CLCA4: variants seen among roughly 807,000 people sequenced by gnomAD.
CLCA4 encodes chloride channel accessory 4.
Under a neutral mutation model 78.9 loss-of-function variants are expected in CLCA4, and 69 were observed. The observed-to-expected ratio is 0.87, with a 90% CI of 0.72 to 1.07. The LOEUF (loss-of-function observed/expected upper bound fraction) is 1.07. CLCA4 is among the 50% of genes least tolerant of loss of function. The pLI is 0.00. For synonymous variants in CLCA4, 362 were observed against 375.8 expected, an observed-to-expected ratio of 0.96 and a Z score of 0.42; for missense variants, 1,133 against 1,095.8, an observed-to-expected ratio of 1.03 and a Z score of -0.48.
chr1:86,572,824 TTTAA>T (rs1216896307), intron 9 of CLCA4, 104 bp downstream of exon 9: 1 of 732,260 alleles, frequency 1.4e-6, no homozygotes, highest in East Asian at 2.7e-5. Context: ...AAAGTAAATT[TTTAA>T]TTAAAATCTA....
chr1:86,573,058 C>A, intron 9 of CLCA4: 1 of 296,256 alleles, frequency 3.4e-6, no homozygotes, highest in Admixed American at 4.7e-5. Context: ...ATTTTAAAAG[C>A]TCATGCTTCC....
rs190325560 is a variant in CLCA4 at position 86,561,797 on chromosome 1, C to A, written c.448+1439C>A. Among the ~76,000 whole-genome samples the A allele has an allele frequency of 4.0e-4, 61 of 152,234 alleles. 1 individual carries two copies. Among genetic ancestry groups the A allele is most frequent in the Non-Finnish European group, 1.0e-4 (7 of 68,008 alleles). On this transcript the variant is annotated intron_variant, in intron 3 of 13. Coordinates refer to ENST00000370563, the MANE Select transcript of CLCA4 (RefSeq NM_012128.4). ...ATTTTTCCCGTATCCCACACCTCAA[C>A]CCTATTCTATTACTGATAGGTCACC...
intron 9 of CLCA4, 95 bp downstream of exon 9, chr1:86,572,815 A>C: frequency 1.3e-6 from 1 of 761,818 alleles, no homozygotes; most frequent in East Asian, 2.6e-5. Context: ...ATTTTTCTCA[A>C]AGTAAATTTT....
At chr1:86,567,366 T>A (rs1650228345) in intron 6 of CLCA4, 58 bp from the exon 7 acceptor site, 2 of 1,352,050 alleles carry the variant, frequency 1.5e-6, no homozygotes, top group Non-Finnish European at 2.0e-6. Context: ...TTTTATGTGA[T>A]CTTCTATTAT....
chr1:86,563,675 C>T lies in CLCA4; in HGVS notation c.463C>T (p.His155Tyr). Residue 155 changes from histidine (H) to tyrosine (Y), a missense_variant, in exon 4 of 14, where the codon CAT becomes TAT. His to Tyr is a moderately conservative substitution (Grantham distance 83, BLOSUM62 2). Coordinates refer to ENST00000370563, the MANE Select transcript of CLCA4 (RefSeq NM_012128.4). ...EYGPPGKLFVHEWAHLRWGVF... is the reference protein window; with the variant it reads ...EYGPPGKLFVYEWAHLRWGVF... ...CTTTCCCACAGGCAAACTGTTTGTC[C>T]ATGAGTGGGCTCACCTCCGGTGGGG... is the stretch of plus-strand genomic sequence containing the variant. 6.3e-7 allele frequency: 1 copy of T among 1,587,224 alleles called. No homozygotes were observed. The highest frequency in any genetic ancestry group is 8.6e-7 in the Non-Finnish European group (1 of 1,163,760).
intron 3 of CLCA4, among the ~76,000 whole-genome samples, chr1:86,561,202 C>A (rs905134027): frequency 6.6e-6 from 1 of 152,332 alleles, no homozygotes; most frequent in East Asian, 1.9e-4. Context: ...TACCTCTTCC[C>A]TGTAATTATC....
chr1:86,578,147 A>G (rs1650581515), intron 12 of CLCA4, 75 bp downstream of exon 12: 9 of 1,344,452 alleles, frequency 6.7e-6, no homozygotes, highest in Non-Finnish European at 9.1e-6. Context: ...TAGGCTTCAA[A>G]CAGGTTGATT....
Position 86,572,624 on chromosome 1 carries a change from T to G in CLCA4, c.1371T>G (p.His457Gln). Residue 457 changes from histidine (H) to glutamine (Q), a missense_variant, in exon 9 of 14, where the codon CAT becomes CAG. Physicochemically the swap from His to Gln is conservative, Grantham distance 24. Coordinates refer to ENST00000370563, the MANE Select transcript of CLCA4 (RefSeq NM_012128.4). ...IEMSKITGGS[H>Q]FYVSDEAQNN... ...GCATTTACATTTTAGGAGGAAGTCA[T>G]TTTTATGTTTCAGATGAAGCTCAGA... 1 of 1,597,700 alleles carries G rather than the reference T, an allele frequency of 6.3e-7. No homozygotes were observed. Among genetic ancestry groups the G allele is most frequent in the Non-Finnish European group, 8.6e-7 (1 of 1,166,070 alleles).
intron 1 of CLCA4, among the ~76,000 whole-genome samples, chr1:86,547,940 T>C (rs559953399): frequency 4.6e-5 from 7 of 152,326 alleles, no homozygotes; most frequent in Non-Finnish European, 8.8e-5. Flanking sequence ...TGCAGACTGA[T>C]GTCTTTTCCC....
rs777721120 is a variant in CLCA4, at chr1:86,560,292, G to T, written c.382G>T (p.Gly128Cys). Residue 128 changes from glycine to cysteine, a missense_variant, in exon 3 of 14, where the codon GGC becomes TGC. By Grantham distance (159) the Gly-to-Cys change is radical. Coordinates refer to ENST00000370563, the MANE Select transcript of CLCA4 (RefSeq NM_012128.4). Reference sequence around the variant, plus strand: ...GCAGTTCACAGAATGTGGAGAGAAAGGCGAATACATTCACTTCACCCCTGA... The same window carrying T: ...GCAGTTCACAGAATGTGGAGAGAAATGCGAATACATTCACTTCACCCCTGA... The part of the protein sequence containing the change: ...TKQFTECGEK[G>C]EYIHFTPDLL... The T allele has an allele frequency of 6.2e-7, 1 of 1,613,992 alleles. No homozygotes were observed. The highest frequency in any genetic ancestry group is 8.5e-7 in the Non-Finnish European group (1 of 1,179,920).
chr1:86,574,400 C>T, intron 9 of CLCA4, 140 bp from the exon 10 acceptor site: 1 of 625,640 alleles, frequency 1.6e-6, no homozygotes. Flanking sequence ...CATATCATCA[C>T]CAGCTTGCAG....
intron 5 of CLCA4, 87 bp from the exon 6 acceptor site, chr1:86,565,714 CA>C: frequency 1.3e-6 from 1 of 758,646 alleles, no homozygotes; most frequent in Non-Finnish European, 2.0e-6. Flanking sequence ...AACATATCTG[CA>C]GAAGACTTTT....
intron 1 of CLCA4, among the ~76,000 whole-genome samples, chr1:86,548,473 G>A (rs1037993603): frequency 5.9e-5 from 9 of 151,946 alleles, no homozygotes; most frequent in Non-Finnish European, 1.0e-4. Context: ...ATGAGGTCAG[G>A]ATTTCGAGAC....
In CLCA4 at chr1:86,574,547, G is replaced by A. The variant is rs1650450018; in HGVS notation, c.1475G>A (p.Ser492Asn). 6.2e-7 allele frequency: 1 copy of A among 1,610,928 alleles called. No individual in the cohort carries two copies. Among genetic ancestry groups the A allele is most frequent in the South Asian group, 1.1e-5 (1 of 90,966 alleles). The change falls in exon 10 of 14, where the codon AGT becomes AAT. Residue 492 changes from serine to asparagine, a missense_variant. Ser to Asn is a conservative substitution (Grantham distance 46, BLOSUM62 1). Coordinates refer to ENST00000370563, the MANE Select transcript of CLCA4 (RefSeq NM_012128.4). ...TGAAATCTATTTAAACAGCTCGAAA[G>A]TAAGGGATTAACACTGAATAGTAAT... ...DLSQKSLQLE[S>N]KGLTLNSNAW...
intron 7 of CLCA4, among the ~76,000 whole-genome samples, chr1:86,568,092 G>C (rs1558192113): frequency 2.0e-5 from 3 of 151,876 alleles, no homozygotes; most frequent in Admixed American, 2.0e-4. Flanking sequence ...TCTTAAAGCA[G>C]ATGTAGCAAG....
At chr1:86,552,986 C>T (rs1649711654) in intron 1 of CLCA4, 2 of 623,336 alleles carry the variant, frequency 3.2e-6, no homozygotes, top group Non-Finnish European at 5.8e-6. Context: ...GAGCCCTGTG[C>T]GTGGCCGTCT....
intron 4 of CLCA4, among the ~76,000 whole-genome samples, chr1:86,564,209 A>G (rs1335973172): frequency 6.6e-6 from 1 of 152,186 alleles, no homozygotes; most frequent in Non-Finnish European, 1.5e-5. Context: ...GCCGTCTAGC[A>G]TCACAGTTAA....
rs1424819997 is a variant in CLCA4, at chr1:86,571,197, T to C, written c.1303T>C (p.Phe435Leu). 4 of 1,612,870 alleles carry C rather than the reference T, an allele frequency of 2.5e-6. No homozygotes were observed. The African/African-American group carries it at 5.3e-5, about 22-fold the overall frequency. ...EVKQSGAIVH[F>L]IALGRAADEA... ...GAAACAAAGTGGGGCCATTGTTCAT[T>C]TTATTGCTTTGGGAAGAGCTGCTGA... The change falls in exon 8 of 14, where the codon TTT (phenylalanine) becomes CTT (leucine). Residue 435 changes from phenylalanine (F) to leucine (L), a missense_variant. By Grantham distance (22) the Phe-to-Leu change is conservative. Coordinates refer to ENST00000370563, the MANE Select transcript of CLCA4 (RefSeq NM_012128.4).
chr1:86,574,822 C>A, intron 10 of CLCA4, 67 bp downstream of exon 10: 1 of 1,184,140 alleles, frequency 8.4e-7, no homozygotes, highest in Non-Finnish European at 1.3e-6. Flanking sequence ...TGTTTAATGT[C>A]ATAAATGTCA....
Sources: gnomAD v4.1 joint callset for allele counts (sites outside exome capture counted in the v4.1 genomes callset) on GRCh38, gnomAD v4.1.1 for gene constraint, MANE v1.5 for transcripts, NCBI Gene and HGNC (gene_info 2026-07-23, HGNC 2026-07-21) for gene names.